Variants in PRKAR1A observed in about 807,000 individuals in gnomAD.
PRKAR1A encodes protein kinase cAMP-dependent type I regulatory subunit alpha, also known as cAMP-dependent protein kinase type I-alpha regulatory subunit.
In PRKAR1A, 3 loss-of-function variants were observed where a neutral mutation model predicts 52.0. The observed-to-expected ratio is 0.06, with a 90% confidence interval of 0.03 to 0.15. PRKAR1A has a LOEUF of 0.15. Ranked by LOEUF, PRKAR1A falls within the 10% of genes least tolerant of loss-of-function variation. The probability of loss-of-function intolerance (pLI) is 1.00; values close to 1 mark genes in which losing one functional copy is unlikely to be tolerated. For synonymous variants in PRKAR1A, 188 were observed against 168.4 expected (o/e 1.12, Z -0.90); for missense variants, 240 against 477.4 (o/e 0.50, Z 4.63).
chr17:68,499,544 G>A, the PRKAR1A span, among the ~76,000 whole-genome samples: 1 of 152,162 alleles, frequency 6.6e-6, no homozygotes, highest in Admixed American at 6.5e-5. Flanking sequence ...CCGACCAGAT[G>A]GGCTATCCAT....
At chr17:68,435,705 A>G in the PRKAR1A span, 3 of 1,614,176 alleles carry the variant, frequency 1.9e-6, no homozygotes, top group South Asian at 1.1e-5. Flanking sequence ...AATAGTGCAG[A>G]CTGTTTTCTG....
chr17:68,525,945 A>G (rs752551527), intron 7 of PRKAR1A, 33 bp downstream of exon 7: 5 of 1,609,056 alleles, frequency 3.1e-6, no homozygotes, highest in Non-Finnish European at 4.3e-6. Flanking sequence ...AGTGTGATTT[A>G]GAATTCTCAT....
the PRKAR1A span, chr17:68,428,949 G>A: frequency 6.2e-7 from 1 of 1,604,548 alleles, no homozygotes; most frequent in Non-Finnish European, 8.5e-7. Flanking sequence ...AAGGGCCAAG[G>A]AAAACATAAA....
upstream of PRKAR1A, among the ~76,000 whole-genome samples, chr17:68,508,146 G>A (rs9912712): frequency 0.02 from 3,045 of 152,226 alleles, 122 homozygotes; most frequent in African/African-American, 0.069. Context: ...TCTTCCTTGG[G>A]TCTAGGCTGC....
chr17:68,490,078 ATG>A, the PRKAR1A span, among the ~76,000 whole-genome samples: 1 of 152,232 alleles, frequency 6.6e-6, no homozygotes, highest in Non-Finnish European at 1.5e-5. Flanking sequence ...CAAAAGGGAA[ATG>A]TGTCATTTTA....
upstream of PRKAR1A, among the ~76,000 whole-genome samples, chr17:68,508,425 A>G (rs966976857): frequency 6.6e-6 from 1 of 152,216 alleles, no homozygotes; most frequent in Admixed American, 6.5e-5. Flanking sequence ...GCATATTAAC[A>G]CAGGAATAGA....
At chr17:68,539,783 G>T in intron 11 of PRKAR1A, 3 of 1,048,122 alleles carry the variant, frequency 2.9e-6, no homozygotes, top group Non-Finnish European at 4.4e-6. Context: ...ACGTGGTGGT[G>T]GAGGCCCTCA....
chr17:68,531,703 ACTTTT>A lies in PRKAR1A; in HGVS notation c.*1259_*1263del, dbSNP rs554074709. The A allele has an allele frequency of 6.3e-4, 672 of 1,063,862 alleles. 12 individuals carry two copies. The South Asian group carries it at 0.027, about 43-fold the overall frequency. The allele number at this position is 1,063,862 out of a possible 1,614,324, so 65.9% of individuals were successfully genotyped here. A position where few individuals can be genotyped will look rare whatever the true frequency, so the allele number is the denominator to read the frequency against. On this transcript the variant is annotated 3_prime_UTR_variant, in exon 11 of 11. Coordinates refer to ENST00000589228, the MANE Select transcript of PRKAR1A (RefSeq NM_002734.5). ...TATCTAGCATTTATTTCTCTGGCAA[ACTTTT>A]CTTTCTTTTCTTTTTTAAAGTAAAC...
chr17:68,531,774 C>G lies in PRKAR1A; in HGVS notation c.*1325C>G, dbSNP rs923590065. Reference sequence around the variant, plus strand: ...TAACTGTATTTCAGTATTTTCCAGCCTTATGTGTTACATTATTCCAATGAT... The same window carrying G: ...TAACTGTATTTCAGTATTTTCCAGCGTTATGTGTTACATTATTCCAATGAT... On this transcript the variant is annotated 3_prime_UTR_variant, in exon 11 of 11. Transcript: ENST00000589228. The G allele has an allele frequency of 9.6e-7, 1 of 1,041,184 alleles. No individual in the cohort carries two copies. Among genetic ancestry groups the G allele is most frequent in the African/African-American group, 1.7e-5 (1 of 60,432 alleles). The allele number at this position is 1,041,184 out of a possible 1,614,324, so 64.5% of individuals were successfully genotyped here.
chr17:68,431,420 G>A, the PRKAR1A span, among the ~76,000 whole-genome samples: 1 of 152,062 alleles, frequency 6.6e-6, no homozygotes, highest in Non-Finnish European at 1.5e-5. Context: ...TGTCTCTGTG[G>A]CTGGAGGAAA....
chr17:68,499,290 C>T, the PRKAR1A span, among the ~76,000 whole-genome samples: 2 of 151,766 alleles, frequency 1.3e-5, no homozygotes, highest in African/African-American at 4.8e-5. Context: ...GGAAAGTGTT[C>T]CTTCTCCCTC....
chr17:68,515,365 A>G, intron 1 of PRKAR1A, 29 bp from the exon 2 acceptor site: 4 of 1,611,050 alleles, frequency 2.5e-6, no homozygotes, highest in Admixed American at 1.7e-5. Flanking sequence ...TATAGTTTAT[A>G]CAAGCATGTG....
the PRKAR1A span, among the ~76,000 whole-genome samples, chr17:68,497,103 C>T: frequency 2.6e-5 from 4 of 152,098 alleles, no homozygotes; most frequent in East Asian, 1.9e-4. Flanking sequence ...GGATTACAGG[C>T]GTGAGCCACT....
At chr17:68,443,829 T>G in the PRKAR1A span, among the ~76,000 whole-genome samples, 4 of 152,358 alleles carry the variant, frequency 2.6e-5, no homozygotes, top group East Asian at 7.7e-4. Flanking sequence ...GTTGTTCCAG[T>G]GTGCTGACTC....
chr17:68,415,366 C>T, the PRKAR1A span, among the ~76,000 whole-genome samples: 1 of 152,108 alleles, frequency 6.6e-6, no homozygotes, highest in South Asian at 2.1e-4. Context: ...AGTTTTATTC[C>T]ACTGTGGTCT....
the PRKAR1A span, among the ~76,000 whole-genome samples, chr17:68,425,364 C>T: frequency 6.7e-6 from 1 of 148,592 alleles, no homozygotes; most frequent in African/African-American, 2.5e-5. Context: ...ACACCACACC[C>T]GGCTAATTTT....
chr17:68,425,044 G>GTCT, the PRKAR1A span, among the ~76,000 whole-genome samples: 1 of 152,284 alleles, frequency 6.6e-6, no homozygotes, highest in Admixed American at 6.5e-5. Flanking sequence ...AGGGAATCTT[G>GTCT]TCTTCAGTTC....
the PRKAR1A span, among the ~76,000 whole-genome samples, chr17:68,443,267 T>A: frequency 6.6e-6 from 1 of 152,234 alleles, no homozygotes; most frequent in South Asian, 2.1e-4. Context: ...CTCGCCACCA[T>A]GCTCAGCTAA....
At chr17:68,549,231 A>G (rs2086719700) in intron 11 of PRKAR1A, among the ~76,000 whole-genome samples, 1 of 151,996 alleles carries the variant, frequency 6.6e-6, no homozygotes, top group Non-Finnish European at 1.5e-5. Context: ...GCATTGGCTC[A>G]CGCCTGGAAT....
Sources: gnomAD v4.1 joint callset for allele counts (sites outside exome capture counted in the v4.1 genomes callset) on GRCh38, gnomAD v4.1.1 for gene constraint, MANE v1.5 for transcripts, NCBI Gene and HGNC (gene_info 2026-07-23, HGNC 2026-07-21) for gene names.